MCPH1: variants seen among roughly 807,000 people sequenced by gnomAD.
MCPH1 encodes microcephalin.
MCPH1 carries 104 observed loss-of-function variants against 84.5 expected under a neutral mutation model. The observed-to-expected ratio is 1.23, with a 90% CI of 1.05 to 1.45. MCPH1 has a LOEUF of 1.45. Among genes scored for constraint, MCPH1 ranks in the 40% most tolerant of loss-of-function variants. The probability of loss-of-function intolerance (pLI) is 0.00; values close to 1 mark genes in which losing one functional copy is unlikely to be tolerated. For synonymous variants in MCPH1, 514 were observed against 366.8 expected (o/e 1.40, Z -4.58); for missense variants, 1,498 against 1,005.7 (o/e 1.49, Z -6.62).
chr8:6,491,764 A>T (rs1307799558), intron 11 of MCPH1, among the ~76,000 whole-genome samples: 2 of 151,954 alleles, frequency 1.3e-5, no homozygotes, highest in Non-Finnish European at 2.9e-5. Context: ...GCTGAGAATG[A>T]TGGTTTCCAG....
intron 13 of MCPH1, among the ~76,000 whole-genome samples, chr8:6,624,414 G>C (rs913325525): frequency 2.0e-5 from 3 of 150,880 alleles, no homozygotes; most frequent in Non-Finnish European, 4.5e-5. Context: ...GGCGTCTCCA[G>C]CGTAGTGGGC....
chr8:6,641,280 T>G (rs1797918052), intron 13 of MCPH1, among the ~76,000 whole-genome samples: 1 of 151,506 alleles, frequency 6.6e-6, no homozygotes, highest in African/African-American at 2.4e-5. Flanking sequence ...ATCCATAGAG[T>G]TTTTACAACC....
chr8:6,606,034 A>T (rs1483913423), intron 12 of MCPH1, among the ~76,000 whole-genome samples: 1 of 152,204 alleles, frequency 6.6e-6, no homozygotes, highest in African/African-American at 2.4e-5. Context: ...CTTGTTTAAA[A>T]AACTGAATCC....
chr8:6,493,421 C>A (rs1373827960), intron 11 of MCPH1, among the ~76,000 whole-genome samples: 1 of 152,168 alleles, frequency 6.6e-6, no homozygotes, highest in East Asian at 1.9e-4. Flanking sequence ...CCTCTCACCA[C>A]CTGGAATTCA....
In MCPH1 at chr8:6,444,712, T is replaced by C; in HGVS notation, c.990T>C (p.Tyr330=). ...CTCAGGAGACGTTTGAAGAGAAGTA[T>C]CGTTTGTCTCCTACCTTATCTTCAA... The part of the protein sequence containing the change: ...GMSQETFEEK[Y]RLSPTLSSTK... The change falls in exon 8 of 14, where the codon TAT becomes TAC. Residue 330 remains tyrosine (Y), a synonymous_variant. Coordinates refer to ENST00000344683, the MANE Select transcript of MCPH1 (RefSeq NM_024596.5). The C allele has an allele frequency of 2.5e-6, 4 of 1,613,998 alleles. No individual in the cohort carries two copies. The highest frequency in any genetic ancestry group is 3.4e-6 in the Non-Finnish European group (4 of 1,180,004).
chr8:6,492,433 C>T (rs1477127601), intron 11 of MCPH1, among the ~76,000 whole-genome samples: 4 of 151,606 alleles, frequency 2.6e-5, no homozygotes, highest in Non-Finnish European at 5.9e-5. Flanking sequence ...TGCCTGTTCA[C>T]TCTGATGGTA....
At chr8:6,625,714 T>C (rs756539031) in intron 13 of MCPH1, 2 of 978,430 alleles carry the variant, frequency 2.0e-6, no homozygotes, top group African/African-American at 1.8e-5. Context: ...AGCCCATAAG[T>C]TCAAGGCTGC....
chr8:6,512,253 G>T (rs917330863), intron 12 of MCPH1, among the ~76,000 whole-genome samples: 2 of 152,112 alleles, frequency 1.3e-5, no homozygotes, highest in African/African-American at 2.4e-5. Flanking sequence ...GTTTTCAGTT[G>T]GTTGTTCAGG....
At chr8:6,491,980 G>A (rs968940195) in intron 11 of MCPH1, among the ~76,000 whole-genome samples, 1 of 152,100 alleles carries the variant, frequency 6.6e-6, no homozygotes, top group African/African-American at 2.4e-5. Flanking sequence ...ATAGTCCTTT[G>A]GGTATATACC....
At chr8:6,464,067 C>A (rs978866825) in intron 9 of MCPH1, among the ~76,000 whole-genome samples, 1 of 152,308 alleles carries the variant, frequency 6.6e-6, no homozygotes, top group East Asian at 1.9e-4. Context: ...GGATGACACC[C>A]TTTGTAAATA....
intron 7 of MCPH1, among the ~76,000 whole-genome samples, chr8:6,443,231 T>C (rs1416595414): frequency 3.3e-5 from 5 of 152,182 alleles, no homozygotes; most frequent in Non-Finnish European, 7.3e-5. Flanking sequence ...GCTTCTAACT[T>C]AGGCAGTCTG....
chr8:6,561,866 GATC>G (rs990765589), intron 12 of MCPH1, among the ~76,000 whole-genome samples: 2 of 152,168 alleles, frequency 1.3e-5, no homozygotes, highest in African/African-American at 4.8e-5. Context: ...GAAACAGTGG[GATC>G]ATCTGTGAAA....
At chr8:6,520,574 T>C (rs1176015682) in intron 12 of MCPH1, among the ~76,000 whole-genome samples, 1 of 152,132 alleles carries the variant, frequency 6.6e-6, no homozygotes, top group East Asian at 1.9e-4. Context: ...TTTTGTATTT[T>C]TAGTAGAGAC....
At position 6,646,287 on chromosome 8, in the gene MCPH1, A is replaced by G; in HGVS notation, c.*3238A>G. On this transcript the variant is annotated 3_prime_UTR_variant, in exon 14 of 14. Transcript: ENST00000344683. ...TAGAAATACAAAAAATTAGCCAGGC[A>G]TGATGGCACACACCTGTAATCTCAG... 1 of 152,202 alleles carries G rather than the reference A, an allele frequency of 6.6e-6. No homozygotes were observed. The highest frequency in any genetic ancestry group is 2.1e-4 in the South Asian group (1 of 4,822). The allele number at this position is 152,202 out of a possible 1,614,324, so 9.4% of individuals were successfully genotyped here.
At chr8:6,407,530 T>A (rs1414678074) in intron 1 of MCPH1, among the ~76,000 whole-genome samples, 1 of 152,100 alleles carries the variant, frequency 6.6e-6, no homozygotes, top group Admixed American at 6.5e-5. Flanking sequence ...AGCGGACACG[T>A]GTCTTGTAGA....
At chr8:6,608,362 C>T (rs1829964931) in intron 12 of MCPH1, among the ~76,000 whole-genome samples, 1 of 152,220 alleles carries the variant, frequency 6.6e-6, no homozygotes, top group Non-Finnish European at 1.5e-5. Context: ...AATTGTAGCA[C>T]TGTATCCATC....
intron 11 of MCPH1, among the ~76,000 whole-genome samples, chr8:6,492,890 T>C (rs1563283149): frequency 6.6e-6 from 1 of 152,116 alleles, no homozygotes. Flanking sequence ...CTTTGCCATG[T>C]AAATACTATT....
intron 12 of MCPH1, among the ~76,000 whole-genome samples, chr8:6,527,978 C>G (rs1196304876): frequency 2.0e-5 from 3 of 151,548 alleles, no homozygotes; most frequent in Non-Finnish European, 4.4e-5. Context: ...TCACTGCAAC[C>G]TCCGCCTCCC....
chr8:6,521,292 C>G, intron 12 of MCPH1: 1 of 1,613,436 alleles, frequency 6.2e-7, no homozygotes, highest in Non-Finnish European at 8.5e-7. Flanking sequence ...TTTTCTAGTT[C>G]TTCAATGATG....
Sources: gnomAD v4.1 joint callset for allele counts (sites outside exome capture counted in the v4.1 genomes callset) on GRCh38, gnomAD v4.1.1 for gene constraint, MANE v1.5 for transcripts, NCBI Gene and HGNC (gene_info 2026-07-23, HGNC 2026-07-21) for gene names.